ASXL2: variants seen among roughly 807,000 people sequenced by gnomAD.
ASXL2 encodes the protein ASXL transcriptional regulator 2.
In ASXL2, 23 loss-of-function variants were observed where a neutral mutation model predicts 122.0. The observed-to-expected ratio is 0.19, with a 90% CI of 0.14 to 0.27. The LOEUF is 0.27. ASXL2 is among the 10% of genes least tolerant of loss of function. The pLI, the probability that ASXL2 is intolerant of heterozygous loss-of-function variation, is 1.00. For synonymous variants in ASXL2, 650 were observed against 637.0 expected (o/e 1.02, Z -0.31); for missense variants, 1,518 against 1,713.8 (o/e 0.89, Z 2.02).
chr2:25,775,250 C>T (rs2088526926), intron 5 of ASXL2, among the ~76,000 whole-genome samples: 5 of 152,150 alleles, frequency 3.3e-5, no homozygotes, highest in Non-Finnish European at 7.3e-5. Context: ...GCCTCAGCCT[C>T]CTGAGTAGCT....
chr2:25,829,912 C>A (rs1409866068), intron 3 of ASXL2, among the ~76,000 whole-genome samples: 1 of 152,166 alleles, frequency 6.6e-6, no homozygotes, highest in African/African-American at 2.4e-5. Flanking sequence ...GTAGCTCAAG[C>A]AAAGGGGATC....
intron 5 of ASXL2, among the ~76,000 whole-genome samples, chr2:25,784,440 T>C (rs968012762): frequency 6.6e-6 from 1 of 152,176 alleles, no homozygotes; most frequent in Non-Finnish European, 1.5e-5. Flanking sequence ...CTGAATACAT[T>C]GTATAATGAA....
At chr2:25,783,838 G>A (rs563212381) in intron 5 of ASXL2, among the ~76,000 whole-genome samples, 4 of 151,608 alleles carry the variant, frequency 2.6e-5, no homozygotes, top group East Asian at 3.9e-4. Context: ...GGAGGATCAC[G>A]AGGTCAAGAG....
rs2087798379 is a variant in ASXL2, at chr2:25,739,892, G to C, written c.*2137C>G. 5 of 217,920 alleles carry C rather than the reference G, an allele frequency of 2.3e-5. No individual in the cohort carries two copies. In the South Asian group the frequency reaches 9.3e-4, roughly 40 times the overall value. The allele number at this position is 217,920 out of a possible 1,614,324, so 13.5% of individuals were successfully genotyped here. ...CTTCCAGCATGCAGACCAGCCCTCGGCCCTGGCACTAAGGTGGAGTTAAGG... is the reference window on the plus strand; with the variant it reads ...CTTCCAGCATGCAGACCAGCCCTCGCCCCTGGCACTAAGGTGGAGTTAAGG... On this transcript the variant is annotated 3_prime_UTR_variant, in exon 13 of 13. Transcript: ENST00000435504.
intron 8 of ASXL2, among the ~76,000 whole-genome samples, chr2:25,763,391 G>C (rs965450305): frequency 1.3e-5 from 2 of 152,026 alleles, no homozygotes; most frequent in African/African-American, 4.8e-5. Flanking sequence ...TCAGGAGGCT[G>C]AGGCAGGAGA....
Position 25,781,822 on chromosome 2 carries a change from C to T in ASXL2, c.404-10282G>A, listed in dbSNP as rs530500305. ...CAGCTGGGACTACAGGCGCGTGCCA[C>T]CATGCCCAGCTATTTATTTTTAGTA... is the stretch of plus-strand genomic sequence containing the variant. On this transcript the variant is annotated intron_variant, in intron 5 of 12. Coordinates refer to ENST00000435504, the MANE Select transcript of ASXL2 (RefSeq NM_018263.6). 2.8e-4 allele frequency among the ~76,000 whole-genome samples: 42 copies of T among 152,004 alleles called. 1 individual carries two copies. In the South Asian group the frequency reaches 7.9e-3, roughly 29 times the overall value.
At chr2:25,779,084 A>ATTTTTTTTT (rs33911748) in intron 5 of ASXL2, among the ~76,000 whole-genome samples, 17 of 99,408 alleles carry the variant, frequency 1.7e-4, no homozygotes, top group South Asian at 6.9e-4. Context: ...CTTTTTTCTG[A>ATTTTTTTTT]TTTTTTTTTT....
At chr2:25,794,610 A>C (rs2088885650) in intron 5 of ASXL2, among the ~76,000 whole-genome samples, 1 of 152,226 alleles carries the variant, frequency 6.6e-6, no homozygotes. Context: ...ACTGAATTTC[A>C]AAGTTCTATT....
intron 1 of ASXL2, chr2:25,856,618 G>T: frequency 8.1e-7 from 1 of 1,236,088 alleles, no homozygotes; most frequent in Non-Finnish European, 1.2e-6. Context: ...CCCACCACAA[G>T]GTCAGCAATG....
intron 8 of ASXL2, 89 bp downstream of exon 8, chr2:25,767,494 A>C: frequency 7.2e-7 from 1 of 1,394,582 alleles, no homozygotes; most frequent in Non-Finnish European, 9.7e-7. Flanking sequence ...TCTAAGTTAT[A>C]AGTACCTAAG....
intron 3 of ASXL2, among the ~76,000 whole-genome samples, chr2:25,831,902 C>T (rs1193883102): frequency 1.3e-5 from 2 of 152,148 alleles, no homozygotes; most frequent in African/African-American, 2.4e-5. Flanking sequence ...ATAGATTTCT[C>T]GCCTAAAACC....
intron 1 of ASXL2, among the ~76,000 whole-genome samples, chr2:25,872,079 T>C (rs569516270): frequency 6.6e-6 from 1 of 152,222 alleles, no homozygotes; most frequent in South Asian, 2.1e-4. Context: ...AGAGGAAAAT[T>C]CACAAGCCCA....
intron 1 of ASXL2, among the ~76,000 whole-genome samples, chr2:25,872,584 C>T (rs1451718393): frequency 6.6e-6 from 1 of 151,966 alleles, no homozygotes; most frequent in Non-Finnish European, 1.5e-5. Context: ...ACAGATAAAT[C>T]ACTAGCAAAA....
At chr2:25,846,467 G>A (rs560998121) in intron 1 of ASXL2, among the ~76,000 whole-genome samples, 4 of 152,256 alleles carry the variant, frequency 2.6e-5, no homozygotes, top group East Asian at 3.9e-4. Context: ...GGCCAATATG[G>A]TGAAACCCCA....
Position 25,735,029 on chromosome 2 carries a change from T to C in ASXL2, c.*7000A>G, listed in dbSNP as rs1403973810. The C allele has an allele frequency of 6.6e-6, 1 of 152,184 alleles. No individual in the cohort carries two copies. Among genetic ancestry groups the C allele is most frequent in the Non-Finnish European group, 1.5e-5 (1 of 68,014 alleles). The allele number at this position is 152,184 out of a possible 1,614,324, so 9.4% of individuals were successfully genotyped here. On this transcript the variant is annotated 3_prime_UTR_variant, in exon 13 of 13. Coordinates refer to ENST00000435504, the MANE Select transcript of ASXL2 (RefSeq NM_018263.6). ...AATCAGGATTTTTAAAAATTCCCTT[T>C]AGGTTCTTTTGGGTTTGAAGAAGCA...
rs1269879552 is a variant in ASXL2, at chr2:25,734,115, C to A, written c.*7914G>T. 1 of 145,348 alleles carries A rather than the reference C, an allele frequency of 6.9e-6. No homozygotes were observed. 9.0% of individuals were successfully genotyped at this position (145,348 alleles called of 1,614,324 possible). ...TACAGCTAAGTGTTTTTTTTTCTTT[C>A]AAATTTCTAGAGTTTCATTTGTTAT... is the stretch of plus-strand genomic sequence containing the variant. On this transcript the variant is annotated 3_prime_UTR_variant, in exon 13 of 13. Transcript: ENST00000435504.
At position 25,741,281 on chromosome 2, in the gene ASXL2, C is replaced by T; in HGVS notation, c.*748G>A. The T allele has an allele frequency of 4.4e-6, 1 of 224,764 alleles. No homozygotes were observed. Among genetic ancestry groups the T allele is most frequent in the Non-Finnish European group, 8.9e-6 (1 of 112,798 alleles). 13.9% of individuals were successfully genotyped at this position (224,764 alleles called of 1,614,324 possible). On this transcript the variant is annotated 3_prime_UTR_variant, in exon 13 of 13. Transcript: ENST00000435504. ...AGAGAGGCACTCCCTTCACGGACTA[C>T]ATTCACTGTCTCAGGGCAGGGGGTG...
intron 2 of ASXL2, among the ~76,000 whole-genome samples, chr2:25,837,464 A>G (rs2089524913): frequency 6.6e-6 from 1 of 152,236 alleles, no homozygotes; most frequent in Non-Finnish European, 1.5e-5. Context: ...TTATTTCAGA[A>G]CAGCCCAGGG....
chr2:25,835,691 TTTC>T (rs1269795747), intron 2 of ASXL2, among the ~76,000 whole-genome samples, 151 bp from the exon 3 acceptor site: 2 of 152,198 alleles, frequency 1.3e-5, no homozygotes, highest in Non-Finnish European at 2.9e-5. Flanking sequence ...CCCTCATTAA[TTTC>T]TTCATTAAAA....
Sources: gnomAD v4.1 joint callset for allele counts (sites outside exome capture counted in the v4.1 genomes callset) on GRCh38, gnomAD v4.1.1 for gene constraint, MANE v1.5 for transcripts, NCBI Gene and HGNC (gene_info 2026-07-23, HGNC 2026-07-21) for gene names.